The following PPARGC1A variants were observed in gnomAD, a reference collection of about 807,000 sequenced individuals.
The protein encoded by PPARGC1A is PPARG coactivator 1 alpha, also known as peroxisome proliferator-activated receptor gamma coactivator 1-alpha.
In PPARGC1A, 25 loss-of-function variants were observed where a neutral mutation model predicts 88.7. The ratio of observed to expected loss-of-function variants is 0.28; its 90% CI spans 0.21 to 0.39. The LOEUF is 0.39. PPARGC1A is among the 10% of genes least tolerant of loss of function. PPARGC1A has a pLI of 1.00. For missense variants in PPARGC1A, 880 were observed against 968.7 expected (o/e 0.91, Z 1.22); for synonymous variants, 363 against 355.6 (o/e 1.02, Z -0.24).
chr4:24,298,578 CCTAA>C, the PPARGC1A span, among the ~76,000 whole-genome samples: 1 of 152,122 alleles, frequency 6.6e-6, no homozygotes, highest in Non-Finnish European at 1.5e-5. Context: ...CCTACTCTAT[CCTAA>C]CTATGGCATT....
the PPARGC1A span, among the ~76,000 whole-genome samples, chr4:24,178,907 G>C: frequency 8.5e-5 from 13 of 152,236 alleles, no homozygotes; most frequent in African/African-American, 2.9e-4. Flanking sequence ...CACTACAATA[G>C]GTTGGTTTTG....
At chr4:24,100,595 T>C in the PPARGC1A span, among the ~76,000 whole-genome samples, 1 of 152,080 alleles carries the variant, frequency 6.6e-6, no homozygotes, top group Non-Finnish European at 1.5e-5. Context: ...TAAATCAATA[T>C]TGAGTGCCAC....
the PPARGC1A span, among the ~76,000 whole-genome samples, chr4:24,215,752 GT>G: frequency 6.6e-6 from 1 of 152,182 alleles, no homozygotes; most frequent in African/African-American, 2.4e-5. Context: ...GAAAGCTGTA[GT>G]GGGGAGATAT....
At chr4:23,856,835 G>A (rs891489144) in intron 2 of PPARGC1A, among the ~76,000 whole-genome samples, 1 of 151,598 alleles carries the variant, frequency 6.6e-6, no homozygotes, top group African/African-American at 2.4e-5. Context: ...CAGAGCCCAG[G>A]GGCAGGCTGT....
chr4:23,901,436 C>T (rs1419678556), upstream of PPARGC1A, among the ~76,000 whole-genome samples: 2 of 141,192 alleles, frequency 1.4e-5, no homozygotes, highest in African/African-American at 2.7e-5. Context: ...CCCAGCTACT[C>T]GGGAGGCTGA....
the PPARGC1A span, among the ~76,000 whole-genome samples, chr4:24,177,619 TTAAATAAA>T: frequency 0.64 from 79,427 of 123,782 alleles, 25,183 homozygotes; most frequent in Non-Finnish European, 0.74. Flanking sequence ...TCAAGTATAA[TTAAATAAA>T]TAAATAAATA....
chr4:24,027,952 A>C, the PPARGC1A span, among the ~76,000 whole-genome samples: 1 of 152,164 alleles, frequency 6.6e-6, no homozygotes, highest in Non-Finnish European at 1.5e-5. Context: ...ATATTAATGC[A>C]TTGAATCCTC....
the PPARGC1A span, among the ~76,000 whole-genome samples, chr4:24,143,256 G>A: frequency 6.6e-6 from 1 of 152,122 alleles, no homozygotes; most frequent in Non-Finnish European, 1.5e-5. Flanking sequence ...CAGGCACTGG[G>A]GATGTCATGG....
chr4:24,122,769 TG>T, the PPARGC1A span, among the ~76,000 whole-genome samples: 1 of 152,212 alleles, frequency 6.6e-6, no homozygotes, highest in African/African-American at 2.4e-5. Context: ...AGGAGGTGAC[TG>T]AATAGGAGTT....
chr4:24,019,006 GAACA>G, the PPARGC1A span, among the ~76,000 whole-genome samples: 1 of 152,042 alleles, frequency 6.6e-6, no homozygotes, highest in African/African-American at 2.4e-5. Flanking sequence ...CAGCATATTT[GAACA>G]AACAATAGAA....
the PPARGC1A span, among the ~76,000 whole-genome samples, chr4:23,939,304 G>A: frequency 6.6e-6 from 1 of 152,002 alleles, no homozygotes; most frequent in African/African-American, 2.4e-5. Context: ...AAATATGTTT[G>A]TTTGTTTTGA....
chr4:23,847,378 T>TCA (rs900818555), intron 2 of PPARGC1A, among the ~76,000 whole-genome samples: 5 of 152,158 alleles, frequency 3.3e-5, no homozygotes, highest in Admixed American at 2.6e-4. Flanking sequence ...CTTTCCTGAG[T>TCA]CACAGTTCTC....
the PPARGC1A span, among the ~76,000 whole-genome samples, chr4:24,219,525 G>T: frequency 3.3e-5 from 5 of 152,292 alleles, no homozygotes; most frequent in East Asian, 9.7e-4. Flanking sequence ...TCAAGATAAA[G>T]CCTCAGGGGA....
At chr4:24,164,186 A>T in the PPARGC1A span, among the ~76,000 whole-genome samples, 1 of 152,232 alleles carries the variant, frequency 6.6e-6, no homozygotes, top group Non-Finnish European at 1.5e-5. Flanking sequence ...AACAGGTGTT[A>T]TGAGTGAGCT....
At chr4:24,116,772 G>C in the PPARGC1A span, among the ~76,000 whole-genome samples, 2 of 152,114 alleles carry the variant, frequency 1.3e-5, no homozygotes, top group Non-Finnish European at 2.9e-5. Flanking sequence ...CTAAAGCTCA[G>C]ACTGGATTCT....
chr4:24,438,013 G>A, the PPARGC1A span, among the ~76,000 whole-genome samples: 11 of 152,078 alleles, frequency 7.2e-5, no homozygotes, highest in Non-Finnish European at 2.9e-5. Context: ...GCAGGCCCAT[G>A]CTCATTCTGG....
chr4:24,278,084 T>C, the PPARGC1A span, among the ~76,000 whole-genome samples: 2 of 152,046 alleles, frequency 1.3e-5, no homozygotes, highest in African/African-American at 2.4e-5. Context: ...CTGGGCTCAC[T>C]TGAGCCCAGG....
the PPARGC1A span, among the ~76,000 whole-genome samples, chr4:24,431,067 G>A: frequency 2.0e-5 from 3 of 149,036 alleles, no homozygotes; most frequent in African/African-American, 7.4e-5. Flanking sequence ...GGAGGTTGTG[G>A]TAAGCTGAGA....
chr4:24,080,130 C>A, the PPARGC1A span, among the ~76,000 whole-genome samples: 1 of 151,936 alleles, frequency 6.6e-6, no homozygotes, highest in African/African-American at 2.4e-5. Context: ...TATGTAAATT[C>A]ATTTGAGAAA....
Sources: gnomAD v4.1 joint callset for allele counts (sites outside exome capture counted in the v4.1 genomes callset) on GRCh38, gnomAD v4.1.1 for gene constraint, MANE v1.5 for transcripts, NCBI Gene and HGNC (gene_info 2026-07-23, HGNC 2026-07-21) for gene names.